The following COPZ2 variants were observed in gnomAD, a reference collection of about 807,000 sequenced individuals.
COPZ2 encodes the protein coatomer subunit zeta-2.
Under a neutral mutation model 33.2 loss-of-function variants are expected in COPZ2, and 30 were observed. That is an observed-to-expected ratio of 0.90 (90% CI 0.68 to 1.23). The LOEUF (loss-of-function observed/expected upper bound fraction) is 1.23, where lower values mean the gene tolerates loss of function less well. Among genes scored for constraint, COPZ2 ranks in the 50% most tolerant of loss-of-function variants. COPZ2 has a pLI of 0.00. For synonymous variants in COPZ2, 89 were observed against 102.6 expected (o/e 0.87, Z 0.80); for missense variants, 263 against 262.4 (o/e 1.00, Z -0.02).
Position 48,037,139 on chromosome 17 carries a change from G to C in COPZ2, c.112-214C>G, listed in dbSNP as rs888436818. On this transcript the variant is annotated intron_variant, in intron 1 of 8. Coordinates refer to ENST00000621465, the MANE Select transcript of COPZ2 (RefSeq NM_016429.4). The surrounding 1 kb of genome is among the most constrained non-coding windows in gnomAD (Gnocchi z 5.6). ...GTTCCACTGCAGGCCCCGAGTGGGCGCTGTGCCCGTTGGGTGCAGAAGGTC... is the reference window on the plus strand; with the variant it reads ...GTTCCACTGCAGGCCCCGAGTGGGCCCTGTGCCCGTTGGGTGCAGAAGGTC... The C allele has an allele frequency of 6.5e-6, 5 of 765,506 alleles. No individual in the cohort carries two copies. In the Admixed American group the frequency reaches 8.6e-5, roughly 13 times the overall value. 47.4% of individuals were successfully genotyped at this position (765,506 alleles called of 1,614,324 possible).
chr17:48,028,481 A>G lies in COPZ2; in HGVS notation c.576T>C (p.Ser192=), dbSNP rs1418284318. ...ATGCAGGGGGGCCTACCTGGGCCACACTCTGTTCAGTCAAGCCGCCATCAT... is the reference window on the plus strand; with the variant it reads ...ATGCAGGGGGGCCTACCTGGGCCACGCTCTGTTCAGTCAAGCCGCCATCAT... ...RADDGGLTEQ[S]VAQVLQSAKE... is the part of the protein sequence containing the mutation. The change falls in exon 8 of 9, where the codon AGT becomes AGC. Residue 192 remains serine (S), a synonymous_variant. Coordinates refer to ENST00000621465, the MANE Select transcript of COPZ2 (RefSeq NM_016429.4). This position sits in a 1 kb window ranked among gnomAD's most constrained non-coding sequence, Gnocchi z 4.5. The G allele has an allele frequency of 6.2e-7, 1 of 1,609,274 alleles. No homozygotes were observed. Among genetic ancestry groups the G allele is most frequent in the Non-Finnish European group, 8.5e-7 (1 of 1,177,950 alleles).
upstream of COPZ2, among the ~76,000 whole-genome samples, chr17:48,040,807 T>C (rs1036292900): frequency 6.6e-6 from 1 of 152,002 alleles, no homozygotes; most frequent in Non-Finnish European, 1.5e-5. Flanking sequence ...TGTATAAATA[T>C]TCACAAATAC....
At chr17:48,039,486 A>G (rs2037040068), upstream of COPZ2, among the ~76,000 whole-genome samples, 1 of 136,690 alleles carries the variant, frequency 7.3e-6, no homozygotes, top group Non-Finnish European at 1.5e-5. Flanking sequence ...AAAAAAAAAG[A>G]AGAAGAAGAA....
At chr17:48,036,629 T>C (rs1444949747) in intron 2 of COPZ2, among the ~76,000 whole-genome samples, 2 of 152,140 alleles carry the variant, frequency 1.3e-5, no homozygotes, top group Non-Finnish European at 2.9e-5. Flanking sequence ...AACTGGCCAG[T>C]AGCAGGATGA....
In COPZ2 at chr17:48,036,979, G is replaced by A. The variant is rs999094141; in HGVS notation, c.112-54C>T. On this transcript the variant is annotated intron_variant, in intron 1 of 8. Coordinates refer to ENST00000621465, the MANE Select transcript of COPZ2 (RefSeq NM_016429.4). Reference sequence around the variant, plus strand: ...GCCCCTGACTCGAGGTGGACACCCTGTGTCTATGGGATCTGCTGGCCCTAG... The same window carrying A: ...GCCCCTGACTCGAGGTGGACACCCTATGTCTATGGGATCTGCTGGCCCTAG... The A allele has an allele frequency of 2.1e-6, 3 of 1,458,448 alleles. No individual in the cohort carries two copies. In the South Asian group the frequency reaches 3.4e-5, roughly 17 times the overall value. The allele number at this position is 1,458,448 out of a possible 1,614,324, so 90.3% of individuals were successfully genotyped here.
At chr17:48,042,286 A>C (rs1598269959), upstream of COPZ2, among the ~76,000 whole-genome samples, 1 of 152,004 alleles carries the variant, frequency 6.6e-6, no homozygotes, top group South Asian at 2.1e-4. Flanking sequence ...GGTATGCGCC[A>C]CCACACCCAG....
chr17:48,044,767 T>C, the COPZ2 span, among the ~76,000 whole-genome samples: 1 of 152,200 alleles, frequency 6.6e-6, no homozygotes, highest in East Asian at 1.9e-4. Context: ...TGTCCGGATT[T>C]GCCAGAAAAC....
intron 5 of COPZ2, 117 bp from the exon 6 acceptor site, chr17:48,032,350 G>T: frequency 1.2e-6 from 1 of 863,956 alleles, no homozygotes; most frequent in Non-Finnish European, 1.9e-6. Context: ...ACCAAACAAG[G>T]ACTGGGAAGG....
chr17:48,041,095 T>G (rs1598269139), upstream of COPZ2, among the ~76,000 whole-genome samples: 1 of 141,600 alleles, frequency 7.1e-6, no homozygotes, highest in Non-Finnish European at 1.5e-5. Context: ...GAGGCTGTAG[T>G]GAGCCAAGAT....
the COPZ2 span, chr17:48,046,745 A>C: frequency 6.6e-6 from 1 of 152,174 alleles, no homozygotes; most frequent in Non-Finnish European, 1.5e-5. Flanking sequence ...AAAACTGTAC[A>C]TCCTCCAAGG....
the COPZ2 span, chr17:48,047,787 T>C: frequency 1.3e-5 from 2 of 152,212 alleles, no homozygotes; most frequent in Non-Finnish European, 2.9e-5. Context: ...CGAGGGGAAG[T>C]TGGGGTACCG....
At chr17:48,030,321 CACACACACAA>C (rs768325028) in intron 6 of COPZ2, among the ~76,000 whole-genome samples, 5 of 151,444 alleles carry the variant, frequency 3.3e-5, no homozygotes, top group African/African-American at 4.9e-5. Flanking sequence ...CACACACACA[CACACACACAA>C]AGAAACAAAC....
chr17:48,026,718 C>T (rs1364241436), intron 8 of COPZ2, among the ~76,000 whole-genome samples: 1 of 152,254 alleles, frequency 6.6e-6, no homozygotes, highest in Non-Finnish European at 1.5e-5. Flanking sequence ...CTGGCTCCTG[C>T]ATCTGCAGCG....
In COPZ2 at chr17:48,036,753, G is replaced by A. The variant is rs908464613; in HGVS notation, c.186+98C>T. 2.6e-6 allele frequency: 3 copies of A among 1,170,992 alleles called. No individual in the cohort carries two copies. The African/African-American group carries it at 4.5e-5, about 18-fold the overall frequency. The allele number at this position is 1,170,992 out of a possible 1,614,324, so 72.5% of individuals were successfully genotyped here. On this transcript the variant is annotated intron_variant, in intron 2 of 8. Coordinates refer to ENST00000621465, the MANE Select transcript of COPZ2 (RefSeq NM_016429.4). ...GGACCTCTGGAGGGGTCTAAGCTGA[G>A]CTGCCCTGAGTCACAGAGATCACAG... is the stretch of plus-strand genomic sequence containing the variant.
At chr17:48,043,033 A>T in the COPZ2 span, among the ~76,000 whole-genome samples, 1 of 152,242 alleles carries the variant, frequency 6.6e-6, no homozygotes, top group Non-Finnish European at 1.5e-5. Flanking sequence ...TTTCCAGTTT[A>T]AGGCTGGCAG....
intron 2 of COPZ2, among the ~76,000 whole-genome samples, chr17:48,034,526 G>GTGTGCCAT (rs2036948657): frequency 1.3e-5 from 2 of 152,342 alleles, no homozygotes; most frequent in South Asian, 4.1e-4. Context: ...TGTGCAGGGT[G>GTGTGCCAT]CTAAGGATTG....
chr17:48,028,571 G>A lies in COPZ2; in HGVS notation c.547-61C>T, dbSNP rs1819200030. On this transcript the variant is annotated intron_variant, in intron 7 of 8. Coordinates refer to ENST00000621465, the MANE Select transcript of COPZ2 (RefSeq NM_016429.4). The surrounding 1 kb of genome is among the most constrained non-coding windows in gnomAD (Gnocchi z 4.5). ...CAGCATGAGGGTCCTGGGTCAGGGA[G>A]GTGAAGGAAAGGGGCTTGGGGGTAT... The A allele has an allele frequency of 6.4e-7, 1 of 1,551,946 alleles. No individual in the cohort carries two copies. The highest frequency in any genetic ancestry group is 8.8e-7 in the Non-Finnish European group (1 of 1,140,144).
At chr17:48,047,311 A>T in the COPZ2 span, 1 of 152,128 alleles carries the variant, frequency 6.6e-6, no homozygotes, top group East Asian at 1.9e-4. Flanking sequence ...TGATTCCCTA[A>T]ATGGGGTCTT....
Position 48,037,284 on chromosome 17 carries a change from C to G in COPZ2, c.112-359G>C, listed in dbSNP as rs747474225. 1.1e-5 allele frequency: 6 copies of G among 523,436 alleles called. No individual in the cohort carries two copies. Among genetic ancestry groups the G allele is most frequent in the South Asian group, 9.6e-5 (6 of 62,734 alleles). 32.4% of individuals were successfully genotyped at this position (523,436 alleles called of 1,614,324 possible). On this transcript the variant is annotated intron_variant, in intron 1 of 8. Coordinates refer to ENST00000621465, the MANE Select transcript of COPZ2 (RefSeq NM_016429.4). The surrounding 1 kb of genome is among the most constrained non-coding windows in gnomAD (Gnocchi z 5.6). ...CTCCTTCTTCCAGCTGATCCCTGGC[C>G]GGGCTGGACCTGCGCTATCAGCGCG...
Sources: allele counts gnomAD v4.1 joint callset (sites outside exome capture counted in the v4.1 genomes callset), GRCh38; gene constraint gnomAD v4.1.1; non-coding constraint Gnocchi (gnomAD v3.1); transcripts MANE v1.5; gene names NCBI Gene and HGNC (gene_info 2026-07-23, HGNC 2026-07-21).